The following SPNS3 variants were observed in gnomAD, a reference collection of about 807,000 sequenced individuals.
SPNS3 encodes SPNS lysolipid transporter 3, sphingosine-1-phosphate (putative).
A neutral mutation model predicts 54.4 loss-of-function variants in SPNS3; 51 were observed. That is an observed-to-expected ratio of 0.94 (90% CI 0.75 to 1.18). SPNS3 has a LOEUF of 1.18. SPNS3 is among the 50% of genes most tolerant of loss of function. SPNS3 has a pLI of 0.00. For synonymous variants in SPNS3, 309 were observed against 294.7 expected (o/e 1.05, Z -0.50); for missense variants, 669 against 677.4 (o/e 0.99, Z 0.14).
intron 8 of SPNS3, among the ~76,000 whole-genome samples, chr17:4,469,595 G>A (rs915504529): frequency 4.0e-5 from 6 of 149,194 alleles, no homozygotes; most frequent in Admixed American, 6.7e-5. Flanking sequence ...CGCCAGCCTG[G>A]GCGACAGAGC....
intron 8 of SPNS3, among the ~76,000 whole-genome samples, chr17:4,460,301 T>C (rs1971461779): frequency 6.6e-6 from 1 of 152,188 alleles, no homozygotes; most frequent in South Asian, 2.1e-4. Flanking sequence ...AATTATCATG[T>C]AGTTTTGTCC....
Position 4,486,014 on chromosome 17 carries a change from G to C in SPNS3, c.1180-214G>C, listed in dbSNP as rs1246671748. On this transcript the variant is annotated intron_variant, in intron 9 of 11. Coordinates refer to ENST00000355530, the MANE Select transcript of SPNS3 (RefSeq NM_182538.5). This position sits in a 1 kb window ranked among gnomAD's most constrained non-coding sequence, Gnocchi z 5.5. ...GGGGTGGCCCTGATCAGGGGCCTTG[G>C]CACCCCCATCCTGGGGCACTGGGGA... The C allele has an allele frequency of 2.1e-6, 1 of 472,608 alleles. No individual in the cohort carries two copies. The highest frequency in any genetic ancestry group is 2.0e-5 in the African/African-American group (1 of 49,454). The allele number at this position is 472,608 out of a possible 1,614,324, so 29.3% of individuals were successfully genotyped here.
At chr17:4,441,070 A>G (rs1970835352) in intron 2 of SPNS3, among the ~76,000 whole-genome samples, 1 of 152,164 alleles carries the variant, frequency 6.6e-6, no homozygotes, top group African/African-American at 2.4e-5. Context: ...AATAAACTCA[A>G]CCCTGTAGCT....
chr17:4,482,081 G>GGT (rs1555533118), intron 9 of SPNS3: 1 of 152,112 alleles, frequency 6.6e-6, no homozygotes, highest in Non-Finnish European at 1.5e-5. Flanking sequence ...TAGAGACGGG[G>GGT]TTCACCATGT....
chr17:4,449,631 C>A (rs1439548146), intron 7 of SPNS3, among the ~76,000 whole-genome samples: 2 of 152,040 alleles, frequency 1.3e-5, no homozygotes, highest in Non-Finnish European at 2.9e-5. Flanking sequence ...CCCCATATCT[C>A]CACTCTTGGG....
intron 3 of SPNS3, among the ~76,000 whole-genome samples, chr17:4,445,378 T>A (rs1448263293): frequency 2.0e-5 from 1 of 50,104 alleles, no homozygotes. Flanking sequence ...TGGTGGACTT[T>A]TTTTTTTTTT....
intron 9 of SPNS3, among the ~76,000 whole-genome samples, chr17:4,479,192 C>T (rs901266550): frequency 2.6e-5 from 4 of 152,242 alleles, no homozygotes; most frequent in African/African-American, 9.6e-5. Flanking sequence ...CTGCCCGCTT[C>T]GGCCTCCCAA....
chr17:4,481,873 GCT>G (rs144206113), intron 9 of SPNS3: 3,420 of 73,838 alleles, frequency 0.046, 59 homozygotes, highest in African/African-American at 0.17. Context: ...TTGGGACACT[GCT>G]CTCTCTCTCT....
intron 3 of SPNS3, 47 bp from the exon 4 acceptor site, chr17:4,446,001 A>G (rs781318082): frequency 3.2e-6 from 5 of 1,558,328 alleles, no homozygotes; most frequent in Non-Finnish European, 4.4e-6. Context: ...CCCTGGCCCT[A>G]TGGGTGATTT....
rs770465111 is a variant in SPNS3 at position 4,478,623 on chromosome 17, G to A, written c.1165G>A (p.Ala389Thr). 4 of 1,589,740 alleles carry A rather than the reference G, an allele frequency of 2.5e-6. No homozygotes were observed. The highest frequency in any genetic ancestry group is 2.7e-5 in the African/African-American group (2 of 74,824). ...TCTGTCCTGCAACTGGGCAGTGGTT[G>A]CCGACATCCTGCTGGTAGGTGTGGG... Reference protein sequence around the residue: ...LLLSCNWAVVADILLSVVVPR... With the variant: ...LLLSCNWAVVTDILLSVVVPR... Residue 389 changes from alanine to threonine, a missense_variant, in exon 9 of 12, where the codon GCC (alanine) becomes ACC (threonine). By Grantham distance (58) the Ala-to-Thr change is moderately conservative. Coordinates refer to ENST00000355530, the MANE Select transcript of SPNS3 (RefSeq NM_182538.5).
chr17:4,449,502 T>A lies in SPNS3; in HGVS notation c.923+115T>A. 1.9e-5 allele frequency: 25 copies of A among 1,282,480 alleles called. No homozygotes were observed. The South Asian group carries it at 3.9e-4, about 20-fold the overall frequency. The allele number at this position is 1,282,480 out of a possible 1,614,324, so 79.4% of individuals were successfully genotyped here. A position where few individuals can be genotyped will look rare whatever the true frequency, so the allele number is the denominator to read the frequency against. ...TCTTGGGGTGGGGCATTTGGTGCTG[T>A]GTGAAGACAGTGGAGCTCAGGACCC... On this transcript the variant is annotated intron_variant, in intron 7 of 11. Transcript: ENST00000355530.
intron 8 of SPNS3, among the ~76,000 whole-genome samples, chr17:4,453,612 C>T (rs1457390995): frequency 8.1e-6 from 1 of 122,702 alleles, no homozygotes; most frequent in African/African-American, 3.3e-5. Context: ...AGCAAGACTC[C>T]ATCTTGGGGG....
chr17:4,435,451 A>T (rs905173296), intron 1 of SPNS3, among the ~76,000 whole-genome samples: 1 of 147,896 alleles, frequency 6.8e-6, no homozygotes, highest in African/African-American at 2.6e-5. Flanking sequence ...AAAAAAAAAA[A>T]AATAAAAAAT....
At position 4,487,790 on chromosome 17, in the gene SPNS3, A is replaced by T. The variant is rs745595985; in HGVS notation, c.1451-16A>T. The T allele has an allele frequency of 6.2e-7, 1 of 1,612,388 alleles. No homozygotes were observed. Among genetic ancestry groups the T allele is most frequent in the Non-Finnish European group, 8.5e-7 (1 of 1,178,460 alleles). ...TCTGCAACCTTCGGGCAGGCTGAGC[A>T]TCTTTCCTCCTGCAGGGACCCCAGA... On this transcript the variant is annotated splice_polypyrimidine_tract_variant and intron_variant, in intron 11 of 11. Coordinates refer to ENST00000355530, the MANE Select transcript of SPNS3 (RefSeq NM_182538.5).
chr17:4,448,479 C>T (rs1033020093), intron 6 of SPNS3, among the ~76,000 whole-genome samples, 176 bp downstream of exon 6: 11 of 152,204 alleles, frequency 7.2e-5, no homozygotes, highest in African/African-American at 2.4e-4. Flanking sequence ...TCCCTTAGGG[C>T]TCAGCCTCCA....
chr17:4,481,642 C>A lies in SPNS3; in HGVS notation c.1179+3005C>A, dbSNP rs564688013. Among the ~76,000 whole-genome samples the A allele has an allele frequency of 5.3e-5, 8 of 152,294 alleles. No individual in the cohort carries two copies. In the South Asian group the frequency reaches 1.7e-3, roughly 32 times the overall value. ...CCCAGGCTCGAGGACTCTGCAGCAG[C>A]CCATCTGCTCCCACTCCCAGCCTGG... On this transcript the variant is annotated intron_variant, in intron 9 of 11. Coordinates refer to ENST00000355530, the MANE Select transcript of SPNS3 (RefSeq NM_182538.5).
chr17:4,486,428 G>T lies in SPNS3; in HGVS notation c.1295G>T (p.Arg432Leu). Residue 432 changes from arginine (R) to leucine (L), a missense_variant, in exon 11 of 12, where the codon CGG (arginine) becomes CTG (leucine). By Grantham distance (102) the Arg-to-Leu change is moderately radical (BLOSUM62 -2). Coordinates refer to ENST00000355530, the MANE Select transcript of SPNS3 (RefSeq NM_182538.5). The surrounding 1 kb of genome is among the most constrained non-coding windows in gnomAD (Gnocchi z 5.5). ...YLTGLISSVL[R>L]ARRPDSYLQR... ...CCTCCGCAGATCTCTAGTGTCCTGC[G>T]GGCCAGGCGCCCTGACTCCTATCTG... 1 of 1,608,218 alleles carries T rather than the reference G, an allele frequency of 6.2e-7. No individual in the cohort carries two copies. Among genetic ancestry groups the T allele is most frequent in the Non-Finnish European group, 8.5e-7 (1 of 1,176,470 alleles).
intron 8 of SPNS3, among the ~76,000 whole-genome samples, chr17:4,460,055 A>C (rs143734234): frequency 4.6e-5 from 7 of 152,144 alleles, no homozygotes; most frequent in Admixed American, 2.0e-4. Flanking sequence ...TCGGGGGAAC[A>C]GTGTTCCAGG....
intron 8 of SPNS3, among the ~76,000 whole-genome samples, chr17:4,453,811 C>T: frequency 6.6e-6 from 1 of 152,184 alleles, no homozygotes. Flanking sequence ...GAGCAATTCT[C>T]CCCAGGTTAC....
Sources: gnomAD v4.1 joint callset for allele counts (sites outside exome capture counted in the v4.1 genomes callset) on GRCh38, gnomAD v4.1.1 for gene constraint, Gnocchi (gnomAD v3.1) non-coding constraint, MANE v1.5 for transcripts, NCBI Gene and HGNC (gene_info 2026-07-23, HGNC 2026-07-21) for gene names.